The following DOCK9 variants were observed in gnomAD, a reference collection of about 807,000 sequenced individuals.
DOCK9 encodes the protein dedicator of cytokinesis protein 9.
Under a neutral mutation model 263.3 loss-of-function variants are expected in DOCK9, and 89 were observed. The ratio of observed to expected loss-of-function variants is 0.34; its 90% CI spans 0.28 to 0.40. The LOEUF (loss-of-function observed/expected upper bound fraction) is 0.40. Ranked by LOEUF, DOCK9 falls within the 10% of genes least tolerant of loss-of-function variation. DOCK9 has a pLI of 1.00. For missense variants in DOCK9, 2,140 were observed against 2,603.4 expected, an observed-to-expected ratio of 0.82 and a Z score of 3.87; for synonymous variants, 976 against 973.1, an observed-to-expected ratio of 1.00 and a Z score of -0.06.
In DOCK9 at chr13:98,915,571, C is replaced by G. The variant is rs1237792154; in HGVS notation, c.718-68G>C. On this transcript the variant is annotated intron_variant, in intron 7 of 52. Transcript: ENST00000682017. ...AGAACTGCTTTAAAATAATTACTCT[C>G]TCTTGTTGGTGAGTGATATCTCATT... 5 of 1,445,514 alleles carry G rather than the reference C, an allele frequency of 3.5e-6. No homozygotes were observed. In the South Asian group the frequency reaches 4.2e-5, roughly 12 times the overall value. The allele number at this position is 1,445,514 out of a possible 1,614,324, so 89.5% of individuals were successfully genotyped here.
intron 38 of DOCK9, among the ~76,000 whole-genome samples, chr13:98,839,367 G>A (rs2093126021): frequency 6.6e-6 from 1 of 152,210 alleles, no homozygotes; most frequent in African/African-American, 2.4e-5. Context: ...ATTCAGCGAG[G>A]TTGTTTGGTA....
intron 32 of DOCK9, among the ~76,000 whole-genome samples, chr13:98,862,135 A>T (rs989332888): frequency 6.6e-6 from 1 of 152,164 alleles, no homozygotes; most frequent in Non-Finnish European, 1.5e-5. Flanking sequence ...TGGTTTTCAT[A>T]CTTATTTTTT....
At chr13:99,043,784 T>C (rs997162117) in intron 1 of DOCK9, among the ~76,000 whole-genome samples, 4 of 152,084 alleles carry the variant, frequency 2.6e-5, no homozygotes, top group Non-Finnish European at 4.4e-5. Context: ...CTTTCCACAA[T>C]CAGCCTGCCC....
intron 1 of DOCK9, among the ~76,000 whole-genome samples, chr13:99,066,643 C>A (rs771047462): frequency 6.6e-6 from 1 of 152,096 alleles, no homozygotes; most frequent in African/African-American, 2.4e-5. Context: ...ACCTATGGAG[C>A]GTATTCTAAA....
At chr13:98,972,626 C>T (rs1380376901) in intron 1 of DOCK9, among the ~76,000 whole-genome samples, 1 of 152,222 alleles carries the variant, frequency 6.6e-6, no homozygotes, top group Non-Finnish European at 1.5e-5. Flanking sequence ...GCAGGAGCCT[C>T]ATGTAACACT....
In DOCK9 at chr13:98,901,999, T is replaced by C. The variant is rs529094396; in HGVS notation, c.1381-99A>G. 3.0e-5 allele frequency: 43 copies of C among 1,441,904 alleles called. 1 individual carries two copies. The South Asian group carries it at 5.3e-4, about 18-fold the overall frequency. The allele number at this position is 1,441,904 out of a possible 1,614,324, so 89.3% of individuals were successfully genotyped here. A position where few individuals can be genotyped will look rare whatever the true frequency, so the allele number is the denominator to read the frequency against. On this transcript the variant is annotated intron_variant, in intron 12 of 52. Coordinates refer to ENST00000682017, the MANE Select transcript of DOCK9 (RefSeq NM_001366683.2). ...GCAAAGAACAGTGAAACAGGACAAC[T>C]AGTAAAAAGCACCCAGTGCCAAACT...
chr13:98,860,436 G>A lies in DOCK9; in HGVS notation c.3666C>T (p.His1222=), dbSNP rs1270449818. 2 of 1,593,372 alleles carry A rather than the reference G, an allele frequency of 1.3e-6. No individual in the cohort carries two copies. Among genetic ancestry groups the A allele is most frequent in the Non-Finnish European group, 8.6e-7 (1 of 1,169,024 alleles). ...CGGAGATGGCGCCCAGCAGGTCCTT[G>A]TGCAGGCTGTTGTCCAGGGTGCTTC... ...QKGSTLDNSL[H]KDLLGAISGI... Residue 1222 remains histidine (H), a synonymous_variant, in exon 33 of 53, where the codon CAC becomes CAT. Transcript: ENST00000682017.
chr13:99,085,635 C>T, intron 1 of DOCK9, among the ~76,000 whole-genome samples: 1 of 152,164 alleles, frequency 6.6e-6, no homozygotes, highest in East Asian at 1.9e-4. Context: ...TCATGCCCCC[C>T]AAGCCTTCCT....
chr13:99,012,981 C>T (rs757304189), intron 1 of DOCK9, among the ~76,000 whole-genome samples: 1 of 152,250 alleles, frequency 6.6e-6, no homozygotes, highest in Admixed American at 6.5e-5. Context: ...AGTTCAGGAC[C>T]GTAAAGCCAT....
intron 39 of DOCK9, among the ~76,000 whole-genome samples, chr13:98,835,817 G>A (rs1359247354): frequency 7.3e-6 from 1 of 137,810 alleles, no homozygotes; most frequent in Non-Finnish European, 1.5e-5. Flanking sequence ...TTGGCTCACT[G>A]CAACCTCCGC....
intron 15 of DOCK9, among the ~76,000 whole-genome samples, chr13:98,894,234 C>T (rs1336471287): frequency 1.3e-5 from 2 of 152,200 alleles, no homozygotes; most frequent in Non-Finnish European, 2.9e-5. Flanking sequence ...CAACCTCCAT[C>T]ACATATAAAA....
At chr13:98,995,643 C>A (rs549731312) in intron 1 of DOCK9, among the ~76,000 whole-genome samples, 1 of 152,050 alleles carries the variant, frequency 6.6e-6, no homozygotes, top group East Asian at 1.9e-4. Context: ...CACCTGCCAC[C>A]ACGCCCGGCT....
At chr13:99,087,888 G>A (rs111254299), upstream of DOCK9, 7,415 of 152,398 alleles carry the variant, frequency 0.049, 240 homozygotes, top group Middle Eastern at 0.11. Flanking sequence ...CCCAGTTTTG[G>A]GAGAATACCT....
At chr13:99,004,220 G>A (rs769441535) in intron 1 of DOCK9, among the ~76,000 whole-genome samples, 5 of 152,170 alleles carry the variant, frequency 3.3e-5, no homozygotes, top group Non-Finnish European at 5.9e-5. Context: ...CCCTCTGAGA[G>A]CAGAGATTAT....
At chr13:98,986,451 T>A (rs1255246886) in intron 1 of DOCK9, among the ~76,000 whole-genome samples, 1 of 152,218 alleles carries the variant, frequency 6.6e-6, no homozygotes, top group African/African-American at 2.4e-5. Flanking sequence ...CACCAGAAAC[T>A]TTACAAAGGG....
At chr13:98,912,411 T>C (rs2050203148) in intron 9 of DOCK9, among the ~76,000 whole-genome samples, 1 of 152,190 alleles carries the variant, frequency 6.6e-6, no homozygotes, top group Admixed American at 6.5e-5. Flanking sequence ...TTGCAAATTA[T>C]ACCTCAATAA....
intron 1 of DOCK9, among the ~76,000 whole-genome samples, chr13:99,059,095 A>G (rs2041065386): frequency 6.6e-6 from 1 of 152,032 alleles, no homozygotes; most frequent in Non-Finnish European, 1.5e-5. Flanking sequence ...CATCTCCTCT[A>G]CACACTCACC....
At chr13:99,022,053 C>T (rs1267797986) in intron 1 of DOCK9, among the ~76,000 whole-genome samples, 1 of 152,108 alleles carries the variant, frequency 6.6e-6, no homozygotes, top group African/African-American at 2.4e-5. Flanking sequence ...TGAACTCTTA[C>T]CATGGTGCAT....
intron 1 of DOCK9, among the ~76,000 whole-genome samples, chr13:99,012,553 G>T (rs1884683187): frequency 6.6e-6 from 1 of 151,874 alleles, no homozygotes; most frequent in Admixed American, 6.5e-5. Context: ...CACCTGAGCT[G>T]GAGGTAGGAC....
Sources: gnomAD v4.1 joint callset for allele counts (sites outside exome capture counted in the v4.1 genomes callset) on GRCh38, gnomAD v4.1.1 for gene constraint, MANE v1.5 for transcripts, NCBI Gene and HGNC (gene_info 2026-07-23, HGNC 2026-07-21) for gene names.